Variants in UPRT observed in about 807,000 individuals in gnomAD.
The protein encoded by UPRT is RP11-311P8.3.
Under a neutral mutation model 22.6 loss-of-function variants are expected in UPRT, and 5 were observed. The observed-to-expected ratio is 0.22, with a 90% CI of 0.12 to 0.47. The LOEUF (loss-of-function observed/expected upper bound fraction) is 0.47. UPRT is among the 20% of genes least tolerant of loss of function. The pLI is 0.99. For missense variants in UPRT, 181 were observed against 239.9 expected (o/e 0.75, Z 1.62); for synonymous variants, 77 against 87.7 (o/e 0.88, Z 0.68).
chrX:75,219,641 C>G (rs1254943944), intron 4 of UPRT, among the ~76,000 whole-genome samples: 1 of 111,163 alleles, frequency 9.0e-6, no homozygotes, highest in Non-Finnish European at 1.9e-5. Context: ...AAGCAAAAAA[C>G]AGATAGGGGC....
At chrX:75,265,926 A>G (rs932785720) in intron 4 of UPRT, among the ~76,000 whole-genome samples, 2 of 111,255 alleles carry the variant, frequency 1.8e-5, no homozygotes, top group Admixed American at 1.9e-4. Context: ...ACCACTGCTC[A>G]ATGAAATAAA....
intron 4 of UPRT, among the ~76,000 whole-genome samples, chrX:75,173,584 G>A (rs12006785): frequency 0.011 from 1,267 of 112,656 alleles, 20 homozygotes; most frequent in African/African-American, 0.039. Flanking sequence ...TGCCAGTCTC[G>A]CACCGTGCGC....
chrX:75,250,408 T>C (rs1018655602), intron 4 of UPRT, among the ~76,000 whole-genome samples: 6 of 110,770 alleles, frequency 5.4e-5, no homozygotes, highest in African/African-American at 2.0e-4. Context: ...AAATACAAAC[T>C]ACCATGAAAG....
chrX:75,274,368 C>T lies in UPRT; in HGVS notation c.114C>T (p.His38=). Reference sequence around the variant, plus strand: ...GACCTGGCGATCTGATCCTGGACCACGCAGGGGGAAACAGAGCCTCCAGGG... The same window carrying T: ...GACCTGGCGATCTGATCCTGGACCATGCAGGGGGAAACAGAGCCTCCAGGG... ...QLRPGDLILD[H]AGGNRASRAK... Residue 38 remains histidine (H), a synonymous_variant, in exon 1 of 7, where the codon CAC becomes CAT. Coordinates refer to ENST00000373383, the MANE Select transcript of UPRT (RefSeq NM_145052.4). The T allele has an allele frequency of 8.3e-7, 1 of 1,211,525 alleles. No homozygotes were observed. The highest frequency in any genetic ancestry group is 1.1e-6 in the Non-Finnish European group (1 of 895,448).
rs745387846 is a variant in UPRT, at chrX:75,203,650, T to C, written c.-447+35771T>C. On this transcript the variant is annotated intron_variant, in intron 4 of 13. Transcript: ENST00000652605. ...ACTGTTTACAGGCTTGGACAATTTA[T>C]AGGCCTGGATGGGCAGGGTCTGGGG... Among the ~76,000 whole-genome samples the C allele has an allele frequency of 7.2e-5, 8 of 111,272 alleles. No homozygotes were observed. In the South Asian group the frequency reaches 2.3e-3, roughly 32 times the overall value.
chrX:75,302,812 A>G (rs2082748974), intron 6 of UPRT, among the ~76,000 whole-genome samples: 1 of 111,328 alleles, frequency 9.0e-6, no homozygotes, highest in South Asian at 3.8e-4. Flanking sequence ...GCTCTGACAC[A>G]CCAGCTTTTT....
intron 4 of UPRT, among the ~76,000 whole-genome samples, chrX:75,182,670 TG>T (rs2082274464): frequency 8.9e-6 from 1 of 111,934 alleles, no homozygotes. Flanking sequence ...CTGTGTTTTT[TG>T]TATATTTGTG....
At chrX:75,268,020 TAAA>T (rs1323374459) in intron 4 of UPRT, among the ~76,000 whole-genome samples, 2 of 110,044 alleles carry the variant, frequency 1.8e-5, no homozygotes, top group Admixed American at 1.9e-4. Flanking sequence ...GCCAGACTAA[TAAA>T]GAAGAAAAGA....
chrX:75,174,391 G>C (rs934408639), intron 4 of UPRT, among the ~76,000 whole-genome samples: 1 of 111,548 alleles, frequency 9.0e-6, no homozygotes, highest in African/African-American at 3.3e-5. Flanking sequence ...TCTGTAGCTT[G>C]ATGGCCTCGA....
intron 4 of UPRT, among the ~76,000 whole-genome samples, chrX:75,206,005 G>C (rs2082365336): frequency 8.9e-6 from 1 of 111,744 alleles, no homozygotes; most frequent in African/African-American, 3.3e-5. Context: ...GTTAGTTGTT[G>C]TTTTAAAAGG....
intron 4 of UPRT, among the ~76,000 whole-genome samples, chrX:75,250,637 G>T (rs1303184585): frequency 9.0e-6 from 1 of 111,169 alleles, no homozygotes; most frequent in African/African-American, 3.3e-5. Context: ...GAGGTACAAG[G>T]AGGAGCTGGT....
chrX:75,156,547 C>A, exon 1 of UPRT: 1 of 462,100 alleles, frequency 2.2e-6, no homozygotes, highest in South Asian at 2.7e-5. Context: ...AGGATGCCTA[C>A]CTAGTTAAGT....
At chrX:75,185,459 C>T (rs1356392768) in intron 4 of UPRT, among the ~76,000 whole-genome samples, 6 of 111,936 alleles carry the variant, frequency 5.4e-5, no homozygotes, top group Non-Finnish European at 1.1e-4. Flanking sequence ...CTATGTTCAT[C>T]AAGGATATTG....
At chrX:75,202,253 CT>C (rs1281538001) in intron 4 of UPRT, among the ~76,000 whole-genome samples, 2 of 110,770 alleles carry the variant, frequency 1.8e-5, no homozygotes, top group African/African-American at 6.6e-5. Context: ...TACTAAGATT[CT>C]TTTATTATTA....
At chrX:75,278,970 G>A (rs1384919540) in intron 1 of UPRT, among the ~76,000 whole-genome samples, 2 of 111,636 alleles carry the variant, frequency 1.8e-5, no homozygotes, top group African/African-American at 6.5e-5. Context: ...CCAAAGCTGT[G>A]TGCATCAGAA....
intron 4 of UPRT, among the ~76,000 whole-genome samples, chrX:75,205,644 T>C (rs2082363725): frequency 9.0e-6 from 1 of 111,548 alleles, no homozygotes; most frequent in East Asian, 2.8e-4. Flanking sequence ...TAAGATAACC[T>C]GGTTAGGACC....
intron 4 of UPRT, among the ~76,000 whole-genome samples, chrX:75,263,890 T>G (rs1023792885): frequency 9.1e-6 from 1 of 110,001 alleles, no homozygotes; most frequent in African/African-American, 3.3e-5. Context: ...CTGCTTTGAA[T>G]GTGTCCCAGA....
At chrX:75,232,489 G>A (rs2082442063) in intron 4 of UPRT, among the ~76,000 whole-genome samples, 1 of 112,702 alleles carries the variant, frequency 8.9e-6, no homozygotes, top group South Asian at 3.6e-4. Flanking sequence ...TGGGGGCAGG[G>A]CACAAACAAA....
intron 4 of UPRT, among the ~76,000 whole-genome samples, chrX:75,264,410 T>C (rs924218541): frequency 3.6e-5 from 4 of 111,918 alleles, no homozygotes; most frequent in Non-Finnish European, 5.6e-5. Flanking sequence ...GGTGCTCCTG[T>C]ATTGGGTGCA....
Sources: gnomAD v4.1 joint callset for allele counts (sites outside exome capture counted in the v4.1 genomes callset) on GRCh38, gnomAD v4.1.1 for gene constraint, MANE v1.5 for transcripts, NCBI Gene and HGNC (gene_info 2026-07-23, HGNC 2026-07-21) for gene names.